ZFAND3: variants seen among roughly 807,000 people sequenced by gnomAD.
The protein encoded by ZFAND3 is AN1-type zinc finger protein 3.
In ZFAND3, 10 loss-of-function variants were observed where a neutral mutation model predicts 29.6. The ratio of observed to expected loss-of-function variants is 0.34; its 90% CI spans 0.21 to 0.57. The LOEUF (loss-of-function observed/expected upper bound fraction) is 0.57, where lower values mean the gene tolerates loss of function less well. ZFAND3 is among the 20% of genes least tolerant of loss of function. ZFAND3 has a pLI of 0.86. For missense variants in ZFAND3, 230 were observed against 304.5 expected, an observed-to-expected ratio of 0.76 and a Z score of 1.82; for synonymous variants, 128 against 112.6, an observed-to-expected ratio of 1.14 and a Z score of -0.87.
At chr6:37,935,033 T>G (rs1462682407) in intron 2 of ZFAND3, among the ~76,000 whole-genome samples, 1 of 152,160 alleles carries the variant, frequency 6.6e-6, no homozygotes, top group Non-Finnish European at 1.5e-5. Context: ...CTCTCAAGTC[T>G]AAGACTATTG....
At chr6:38,031,419 G>C (rs1197272277) in intron 2 of ZFAND3, among the ~76,000 whole-genome samples, 1 of 152,116 alleles carries the variant, frequency 6.6e-6, no homozygotes, top group African/African-American at 2.4e-5. Context: ...ACCCCACTAT[G>C]CTCAGCCATT....
At chr6:37,902,608 C>A (rs1365655013) in intron 1 of ZFAND3, among the ~76,000 whole-genome samples, 2 of 152,164 alleles carry the variant, frequency 1.3e-5, no homozygotes, top group Non-Finnish European at 2.9e-5. Context: ...TTGTCTGTTG[C>A]TTCCACATCT....
At chr6:38,122,748 A>G (rs969602795) in intron 5 of ZFAND3, among the ~76,000 whole-genome samples, 6 of 152,196 alleles carry the variant, frequency 3.9e-5, no homozygotes, top group African/African-American at 1.4e-4. Context: ...GGAACAGCCT[A>G]CCATAAGCAT....
chr6:38,078,144 G>A (rs1230214003), intron 3 of ZFAND3, among the ~76,000 whole-genome samples: 3 of 152,156 alleles, frequency 2.0e-5, no homozygotes, highest in Non-Finnish European at 4.4e-5. Flanking sequence ...TGCAAATGCT[G>A]TAACAATTTC....
chr6:37,935,898 A>G (rs946270842), intron 2 of ZFAND3, among the ~76,000 whole-genome samples: 1 of 152,204 alleles, frequency 6.6e-6, no homozygotes, highest in Non-Finnish European at 1.5e-5. Flanking sequence ...AGCCTACTAC[A>G]GTGTTAAAAT....
At chr6:37,877,398 T>C (rs969875343) in intron 1 of ZFAND3, among the ~76,000 whole-genome samples, 1 of 152,136 alleles carries the variant, frequency 6.6e-6, no homozygotes, top group Non-Finnish European at 1.5e-5. Context: ...CTGTAAAGAA[T>C]TGAAGGGTAT....
chr6:38,148,945 C>T (rs1224869164), intron 5 of ZFAND3, among the ~76,000 whole-genome samples: 1 of 152,144 alleles, frequency 6.6e-6, no homozygotes, highest in African/African-American at 2.4e-5. Context: ...GGGAAGTTAG[C>T]CCTCCAGAGT....
intron 3 of ZFAND3, among the ~76,000 whole-genome samples, chr6:38,080,514 C>G (rs1764640669): frequency 6.6e-6 from 1 of 152,016 alleles, no homozygotes; most frequent in African/African-American, 2.4e-5. Flanking sequence ...TTTATGACAT[C>G]TTTCTGTACA....
intron 5 of ZFAND3, among the ~76,000 whole-genome samples, chr6:38,128,691 C>T (rs531232616): frequency 2.0e-5 from 3 of 152,066 alleles, no homozygotes; most frequent in South Asian, 2.1e-4. Flanking sequence ...AGTATTACTC[C>T]ATCATGTATA....
intron 2 of ZFAND3, among the ~76,000 whole-genome samples, chr6:37,938,576 C>G (rs77438737): frequency 2.1e-4 from 32 of 152,174 alleles, no homozygotes; most frequent in Non-Finnish European, 1.0e-4. Context: ...TATGGTGTAG[C>G]CTCCCTTACT....
At chr6:38,083,481 A>G (rs1178380999) in intron 4 of ZFAND3, among the ~76,000 whole-genome samples, 1 of 151,992 alleles carries the variant, frequency 6.6e-6, no homozygotes, top group Non-Finnish European at 1.5e-5. Context: ...ACTGAGGTAG[A>G]AAAGAGCTGT....
At chr6:38,142,201 G>A (rs1765971429) in intron 5 of ZFAND3, 1 of 471,192 alleles carries the variant, frequency 2.1e-6, no homozygotes, top group African/African-American at 2.0e-5. Context: ...TGTGATCCCA[G>A]TGTGTTGATT....
chr6:37,984,598 CA>C (rs1762634609), intron 2 of ZFAND3, among the ~76,000 whole-genome samples: 1 of 152,204 alleles, frequency 6.6e-6, no homozygotes, highest in South Asian at 2.1e-4. Context: ...ATAATTTGAA[CA>C]AAGCAGTGTA....
intron 2 of ZFAND3, among the ~76,000 whole-genome samples, chr6:38,011,723 A>G (rs948490942): frequency 6.6e-6 from 1 of 152,270 alleles, no homozygotes; most frequent in East Asian, 1.9e-4. Flanking sequence ...AGCACAATTA[A>G]TTTTATATTA....
intron 4 of ZFAND3, among the ~76,000 whole-genome samples, chr6:38,107,677 C>A (rs372851854): frequency 6.6e-6 from 1 of 152,144 alleles, no homozygotes; most frequent in Non-Finnish European, 1.5e-5. Flanking sequence ...ACTAAAAATA[C>A]AAAAAATTAG....
intron 1 of ZFAND3, among the ~76,000 whole-genome samples, chr6:37,868,580 T>C (rs1764632888): frequency 6.6e-6 from 1 of 152,136 alleles, no homozygotes; most frequent in Non-Finnish European, 1.5e-5. Context: ...TATGTGGTTA[T>C]AGGAAGCCAA....
intron 2 of ZFAND3, among the ~76,000 whole-genome samples, chr6:37,982,597 G>A (rs1278000528): frequency 6.6e-6 from 1 of 152,160 alleles, no homozygotes; most frequent in East Asian, 1.9e-4. Context: ...TGATGCTTGT[G>A]TAAGTATATC....
chr6:37,853,867 A>G (rs572443309), intron 1 of ZFAND3, among the ~76,000 whole-genome samples: 4 of 152,298 alleles, frequency 2.6e-5, no homozygotes, highest in East Asian at 1.9e-4. Flanking sequence ...TACAATGTCT[A>G]TTGTATTTTC....
intron 1 of ZFAND3, among the ~76,000 whole-genome samples, chr6:37,836,331 G>C (rs977277652): frequency 1.3e-5 from 2 of 152,098 alleles, no homozygotes; most frequent in African/African-American, 4.8e-5. Flanking sequence ...GTGGTATAGA[G>C]TGAAAAGATA....
Sources: gnomAD v4.1 joint callset for allele counts (sites outside exome capture counted in the v4.1 genomes callset) on GRCh38, gnomAD v4.1.1 for gene constraint, MANE v1.5 for transcripts, NCBI Gene and HGNC (gene_info 2026-07-23, HGNC 2026-07-21) for gene names.